RPS6KA2: variants seen among roughly 807,000 people sequenced by gnomAD.
RPS6KA2 encodes ribosomal protein S6 kinase alpha-2.
In RPS6KA2, 42 loss-of-function variants were observed where a neutral mutation model predicts 91.8. That is an observed-to-expected ratio of 0.46 (90% CI 0.36 to 0.59). The LOEUF (loss-of-function observed/expected upper bound fraction) is 0.59, where lower values mean the gene tolerates loss of function less well. Among genes scored for constraint, RPS6KA2 ranks in the 20% least tolerant of loss-of-function variants. RPS6KA2 has a pLI of 0.00. For missense variants in RPS6KA2, 798 were observed against 978.5 expected (o/e 0.82, Z 2.46); for synonymous variants, 414 against 393.6 (o/e 1.05, Z -0.61).
chr6:166,466,887 TTCAC>T (rs1780547656), intron 11 of RPS6KA2, among the ~76,000 whole-genome samples: 1 of 148,914 alleles, frequency 6.7e-6, no homozygotes, highest in Non-Finnish European at 1.5e-5. Context: ...CACTCACTCA[TTCAC>T]TCACTCCCTC....
intron 2 of RPS6KA2, among the ~76,000 whole-genome samples, chr6:166,670,468 G>C (rs1047043086): frequency 6.6e-6 from 1 of 152,104 alleles, no homozygotes; most frequent in African/African-American, 2.4e-5. Flanking sequence ...AGTAAGTTTG[G>C]GGGTAATTTG....
chr6:166,540,863 A>G (rs1294604661), intron 1 of RPS6KA2, among the ~76,000 whole-genome samples: 1 of 152,228 alleles, frequency 6.6e-6, no homozygotes, highest in Non-Finnish European at 1.5e-5. Flanking sequence ...GGCTTCCTGC[A>G]CAAAAAACAA....
chr6:166,639,155 G>A lies in RPS6KA2; in HGVS notation c.124-100371C>T, dbSNP rs7756763. 0.33 allele frequency among the ~76,000 whole-genome samples: 49,570 copies of A among 152,070 alleles called. 8,539 individuals are homozygous for A. The highest frequency in any genetic ancestry group is 0.43 in the African/African-American group (17,963 of 41,432). The stretch of plus-strand genomic sequence containing the variant: ...GAAAATTAATGAAATGGCTGGGAAG[G>A]CAGTCGACTCCCAAATATGAGAATT... On this transcript the variant is annotated intron_variant, in intron 2 of 21. Transcript: ENST00000503859. The surrounding 1 kb of genome is among the most constrained non-coding windows in gnomAD (Gnocchi z 4.2).
In RPS6KA2 at chr6:166,448,099, T is replaced by C. The variant is rs1779737279; in HGVS notation, c.1332+625A>G. 6.6e-6 allele frequency among the ~76,000 whole-genome samples: 1 copy of C among 152,248 alleles called. No homozygotes were observed. The highest frequency in any genetic ancestry group is 1.5e-5 in the Non-Finnish European group (1 of 68,046). ...CAACAATTACGAAAGCTAAAGTTACTATGTAGAGATTGCCAAATTGGGTTA... is the reference window on the plus strand; with the variant it reads ...CAACAATTACGAAAGCTAAAGTTACCATGTAGAGATTGCCAAATTGGGTTA... On this transcript the variant is annotated intron_variant, in intron 14 of 20. Coordinates refer to ENST00000265678, the MANE Select transcript of RPS6KA2 (RefSeq NM_021135.6). This position sits in a 1 kb window ranked among gnomAD's most constrained non-coding sequence, Gnocchi z 4.7.
intron 2 of RPS6KA2, among the ~76,000 whole-genome samples, chr6:166,784,641 TGCAGA>T: frequency 2.4e-5 from 1 of 40,854 alleles, no homozygotes; most frequent in African/African-American, 1.6e-4. Flanking sequence ...TGCACACCTA[TGCAGA>T]ACCACATATA....
intron 2 of RPS6KA2, among the ~76,000 whole-genome samples, chr6:166,735,488 T>C (rs982271087): frequency 3.9e-5 from 6 of 152,222 alleles, no homozygotes; most frequent in African/African-American, 7.2e-5. Flanking sequence ...CCTATCCTTA[T>C]TACACTGTAA....
At chr6:166,859,425 C>A (rs774746646) in intron 1 of RPS6KA2, among the ~76,000 whole-genome samples, 4 of 152,210 alleles carry the variant, frequency 2.6e-5, no homozygotes, top group Non-Finnish European at 5.9e-5. Context: ...TTGAAAAGTC[C>A]TGTGTTTGAG....
At chr6:166,521,812 G>GA (rs1350270198) in intron 3 of RPS6KA2, among the ~76,000 whole-genome samples, 3 of 152,208 alleles carry the variant, frequency 2.0e-5, no homozygotes, top group African/African-American at 7.2e-5. Flanking sequence ...GACTGGGGTG[G>GA]AACGCCATAG....
At chr6:166,451,298 G>C (rs1779908009) in intron 12 of RPS6KA2, 65 bp from the exon 13 acceptor site, 2 of 1,568,516 alleles carry the variant, frequency 1.3e-6, no homozygotes, top group Non-Finnish European at 1.7e-6. Flanking sequence ...TGAAGTGATA[G>C]TGTGTGTGTG....
At position 166,522,390 on chromosome 6, in the gene RPS6KA2, C is replaced by T. The variant is rs145602895; in HGVS notation, c.298+8842G>A. Among the ~76,000 whole-genome samples, 143 of 152,320 alleles carry T rather than the reference C, an allele frequency of 9.4e-4. 1 individual carries two copies. In the Middle Eastern group the frequency reaches 0.01, roughly 11 times the overall value. On this transcript the variant is annotated intron_variant, in intron 3 of 20. Transcript: ENST00000265678. Reference sequence around the variant, plus strand: ...CAATAGCTCTGCTGCCACAAACCCACGGGACCTTGGCTTCTGCACACACCT... The same window carrying T: ...CAATAGCTCTGCTGCCACAAACCCATGGGACCTTGGCTTCTGCACACACCT...
intron 1 of RPS6KA2, among the ~76,000 whole-genome samples, chr6:166,599,516 G>C (rs1392404036): frequency 2.0e-5 from 3 of 152,176 alleles, no homozygotes; most frequent in South Asian, 2.1e-4. Flanking sequence ...CACCCTCCTG[G>C]CTAGCTCCAT....
chr6:166,854,728 G>A (rs754095219), intron 2 of RPS6KA2, among the ~76,000 whole-genome samples: 5 of 152,180 alleles, frequency 3.3e-5, no homozygotes, highest in Non-Finnish European at 7.3e-5. Context: ...GAAAGGGAAC[G>A]CTTATACACT....
chr6:166,537,013 G>A (rs1040475692), intron 2 of RPS6KA2, among the ~76,000 whole-genome samples: 1 of 152,260 alleles, frequency 6.6e-6, no homozygotes, highest in Non-Finnish European at 1.5e-5. Flanking sequence ...AGCTGGAAAA[G>A]CCTTTCTCCT....
chr6:166,437,406 TC>T lies in RPS6KA2; in HGVS notation c.1333-4917del, dbSNP rs766893624. On this transcript the variant is annotated intron_variant, in intron 14 of 20. Transcript: ENST00000265678. This position sits in a 1 kb window ranked among gnomAD's most constrained non-coding sequence, Gnocchi z 4.3. ...AGCAAGCGTGGTGATGAACAAGGCC[TC>T]CCCTCCAGGCTGACGCTCAAATAAT... Among the ~76,000 whole-genome samples, 3 of 152,148 alleles carry T rather than the reference TC, an allele frequency of 2.0e-5. No homozygotes were observed. The highest frequency in any genetic ancestry group is 1.3e-4 in the Admixed American group (2 of 15,268).
At chr6:166,660,884 T>C (rs945165022) in intron 2 of RPS6KA2, among the ~76,000 whole-genome samples, 1 of 152,134 alleles carries the variant, frequency 6.6e-6, no homozygotes, top group Non-Finnish European at 1.5e-5. Context: ...TGAACGTAAA[T>C]CGTGAGTTAA....
At chr6:166,841,268 G>T (rs184538995) in intron 2 of RPS6KA2, among the ~76,000 whole-genome samples, 109 of 152,246 alleles carry the variant, frequency 7.2e-4, no homozygotes, top group African/African-American at 2.6e-3. Flanking sequence ...AATAAAAAAT[G>T]AAAAATAAAA....
chr6:166,523,199 A>G (rs1782917531), intron 3 of RPS6KA2, among the ~76,000 whole-genome samples: 2 of 152,246 alleles, frequency 1.3e-5, no homozygotes, highest in Admixed American at 1.3e-4. Context: ...GGTGATGTTT[A>G]TCTGAAATGC....
At chr6:166,513,013 T>C (rs1464514007) in intron 3 of RPS6KA2, among the ~76,000 whole-genome samples, 1 of 152,238 alleles carries the variant, frequency 6.6e-6, no homozygotes, top group Non-Finnish European at 1.5e-5. Flanking sequence ...TTTGACTTCC[T>C]GGGCCACACC....
chr6:166,833,692 CT>C (rs1435219421), intron 2 of RPS6KA2, among the ~76,000 whole-genome samples: 1 of 152,148 alleles, frequency 6.6e-6, no homozygotes, highest in African/African-American at 2.4e-5. Context: ...GCAGTCACCC[CT>C]GGTTTGTTCC....
Sources: allele counts gnomAD v4.1 joint callset (sites outside exome capture counted in the v4.1 genomes callset), GRCh38; gene constraint gnomAD v4.1.1; non-coding constraint Gnocchi (gnomAD v3.1); transcripts MANE v1.5; gene names NCBI Gene and HGNC (gene_info 2026-07-23, HGNC 2026-07-21).